The following BRINP1 variants were observed in gnomAD, a reference collection of about 807,000 sequenced individuals.
BRINP1 encodes the protein BMP/retinoic acid inducible neural specific 1, also known as BMP/retinoic acid-inducible neural-specific protein 1.
A neutral mutation model predicts 72.9 loss-of-function variants in BRINP1; 17 were observed. That is an observed-to-expected ratio of 0.23 (90% CI 0.16 to 0.35). BRINP1 has a LOEUF of 0.35. Ranked by LOEUF, BRINP1 falls within the 10% of genes least tolerant of loss-of-function variation. The probability of loss-of-function intolerance (pLI) is 1.00; values close to 1 mark genes in which losing one functional copy is unlikely to be tolerated. For synonymous variants in BRINP1, 418 were observed against 378.5 expected (o/e 1.10, Z -1.21); for missense variants, 850 against 1,001.6 (o/e 0.85, Z 2.04).
chr9:119,320,227 T>G lies in BRINP1; in HGVS notation c.-50-6822A>C, dbSNP rs138522481. On this transcript the variant is annotated intron_variant, in intron 1 of 7. Coordinates refer to ENST00000265922, the MANE Select transcript of BRINP1 (RefSeq NM_014618.3). The stretch of plus-strand genomic sequence containing the variant: ...GGGGATAGCACACCAGGTGGCAGAG[T>G]ACTTAGGGAGAACCAGGGCCCTGAG... Among the ~76,000 whole-genome samples the G allele has an allele frequency of 1.5e-3, 234 of 151,758 alleles. 2 individuals are homozygous for G. The highest frequency in any genetic ancestry group is 0.014 in the Middle Eastern group (4 of 294).
intron 2 of BRINP1, among the ~76,000 whole-genome samples, chr9:119,261,872 CCCT>C (rs1830500019): frequency 6.6e-6 from 1 of 151,204 alleles, no homozygotes; most frequent in South Asian, 2.1e-4. Context: ...GCCTCTCTTT[CCCT>C]CCTCCTTCTT....
rs531596679 is a variant in BRINP1, at chr9:119,285,565, C to T, written c.218+27573G>A. 5.3e-5 allele frequency among the ~76,000 whole-genome samples: 8 copies of T among 152,294 alleles called. No homozygotes were observed. In the South Asian group the frequency reaches 1.7e-3, roughly 32 times the overall value. ...AGCTTAAGCATTTCTGACTCCAGAG[C>T]CCCTCAACATAACCCTTAATCTAAT... is the stretch of plus-strand genomic sequence containing the variant. On this transcript the variant is annotated intron_variant, in intron 2 of 7. Coordinates refer to ENST00000265922, the MANE Select transcript of BRINP1 (RefSeq NM_014618.3).
At chr9:119,325,942 C>T (rs1184586449) in intron 1 of BRINP1, among the ~76,000 whole-genome samples, 3 of 152,180 alleles carry the variant, frequency 2.0e-5, no homozygotes, top group African/African-American at 2.4e-5. Context: ...TTAGACTGTT[C>T]CCTCTCCTTG....
chr9:119,321,904 A>T (rs1184695526), intron 1 of BRINP1, among the ~76,000 whole-genome samples: 1 of 152,196 alleles, frequency 6.6e-6, no homozygotes, highest in East Asian at 1.9e-4. Flanking sequence ...TCTATTGGGC[A>T]GCGGGGGTCA....
chr9:119,209,922 CA>C (rs1427222812), intron 6 of BRINP1, among the ~76,000 whole-genome samples: 3 of 152,184 alleles, frequency 2.0e-5, no homozygotes, highest in African/African-American at 7.2e-5. Context: ...ACTCACATTT[CA>C]AAAAACTCCA....
At chr9:119,189,047 T>C (rs1829656053) in intron 7 of BRINP1, among the ~76,000 whole-genome samples, 1 of 152,006 alleles carries the variant, frequency 6.6e-6, no homozygotes, top group African/African-American at 2.4e-5. Context: ...AAAATATAAA[T>C]AGTTGGGGGG....
rs1365008913 is a variant in BRINP1 at position 119,369,089 on chromosome 9, C to G, written c.-84G>C. On this transcript the variant is annotated 5_prime_UTR_variant, in exon 1 of 8. Transcript: ENST00000265922. Reference sequence around the variant, plus strand: ...AATGTCCGTCTTTGGCGGAGAGCTGCGGGAGGACGCTTTTTATTCGGCTCG... The same window carrying G: ...AATGTCCGTCTTTGGCGGAGAGCTGGGGGAGGACGCTTTTTATTCGGCTCG... 20 of 397,344 alleles carry G rather than the reference C, an allele frequency of 5.0e-5. No individual in the cohort carries two copies. In the East Asian group the frequency reaches 6.4e-4, roughly 13 times the overall value. The allele number at this position is 397,344 out of a possible 1,614,324, so 24.6% of individuals were successfully genotyped here. A position where few individuals can be genotyped will look rare whatever the true frequency, so the allele number is the denominator to read the frequency against.
intron 7 of BRINP1, among the ~76,000 whole-genome samples, chr9:119,178,484 C>A (rs1160941711): frequency 6.6e-6 from 1 of 152,194 alleles, no homozygotes; most frequent in Non-Finnish European, 1.5e-5. Flanking sequence ...AACCCTCAAT[C>A]AAATCAATCT....
intron 7 of BRINP1, among the ~76,000 whole-genome samples, chr9:119,196,986 G>T (rs1829745001): frequency 6.6e-6 from 1 of 152,182 alleles, no homozygotes; most frequent in South Asian, 2.1e-4. Flanking sequence ...TGCAGCAAAG[G>T]CTATGTCGTG....
In BRINP1 at chr9:119,295,560, G is replaced by A. The variant is rs1449239962; in HGVS notation, c.218+17578C>T. On this transcript the variant is annotated intron_variant, in intron 2 of 7. Coordinates refer to ENST00000265922, the MANE Select transcript of BRINP1 (RefSeq NM_014618.3). ...CATAGAAAAGGCACAGTAAAAATAT[G>A]GTATTATAATCATATAGGAACACTG... 4.6e-5 allele frequency among the ~76,000 whole-genome samples: 7 copies of A among 152,176 alleles called. No individual in the cohort carries two copies. The East Asian group carries it at 1.4e-3, about 29-fold the overall frequency.
At chr9:119,238,821 A>C (rs995250441) in intron 4 of BRINP1, 61 bp from the exon 5 acceptor site, 17 of 1,126,530 alleles carry the variant, frequency 1.5e-5, no homozygotes, top group Non-Finnish European at 2.2e-5. Context: ...GACATACCCC[A>C]AAGAGTCATG....
chr9:119,202,538 G>A (rs1829815887), intron 7 of BRINP1, among the ~76,000 whole-genome samples: 1 of 152,152 alleles, frequency 6.6e-6, no homozygotes, highest in Non-Finnish European at 1.5e-5. Flanking sequence ...TAATAGCTGA[G>A]ACCAAACTTA....
intron 2 of BRINP1, among the ~76,000 whole-genome samples, chr9:119,263,598 A>AT (rs1554752039): frequency 5.8e-5 from 3 of 51,720 alleles, no homozygotes; most frequent in African/African-American, 6.0e-5. Context: ...CCAGTAAACA[A>AT]TTCTTTTTTT....
intron 1 of BRINP1, among the ~76,000 whole-genome samples, chr9:119,320,435 A>G (rs1325771687): frequency 6.6e-6 from 1 of 152,198 alleles, no homozygotes; most frequent in African/African-American, 2.4e-5. Context: ...GAAATTCAAT[A>G]GTGGACAGAA....
chr9:119,287,891 T>C (rs567892057), intron 2 of BRINP1, among the ~76,000 whole-genome samples: 1 of 152,316 alleles, frequency 6.6e-6, no homozygotes, highest in South Asian at 2.1e-4. Context: ...TAACGGGTAC[T>C]AGGCTTAATA....
At chr9:119,286,261 C>G (rs994420440) in intron 2 of BRINP1, among the ~76,000 whole-genome samples, 5 of 150,306 alleles carry the variant, frequency 3.3e-5, no homozygotes, top group Middle Eastern at 3.4e-3. Flanking sequence ...GAGACGGAGT[C>G]TTGCTCTGTC....
chr9:119,259,435 A>G (rs1830477354), intron 2 of BRINP1, among the ~76,000 whole-genome samples: 3 of 152,210 alleles, frequency 2.0e-5, no homozygotes, highest in African/African-American at 7.2e-5. Context: ...ATAACACATA[A>G]CTTTTAATGG....
At chr9:119,260,285 C>T (rs1336193830) in intron 2 of BRINP1, among the ~76,000 whole-genome samples, 1 of 152,222 alleles carries the variant, frequency 6.6e-6, no homozygotes, top group Non-Finnish European at 1.5e-5. Context: ...AAAACTATCA[C>T]ACTCCTCCAT....
At chr9:119,171,400 G>A (rs1829408990) in intron 7 of BRINP1, among the ~76,000 whole-genome samples, 2 of 140,548 alleles carry the variant, frequency 1.4e-5, no homozygotes, top group East Asian at 4.2e-4. Context: ...ATTACATAAT[G>A]GTAAAGGGAT....
Sources: allele counts gnomAD v4.1 joint callset (sites outside exome capture counted in the v4.1 genomes callset), GRCh38; gene constraint gnomAD v4.1.1; transcripts MANE v1.5; gene names NCBI Gene and HGNC (gene_info 2026-07-23, HGNC 2026-07-21).